APLP2: variants seen among roughly 807,000 people sequenced by gnomAD.
APLP2 encodes the protein CDEI box-binding protein.
Under a neutral mutation model 89.9 loss-of-function variants are expected in APLP2, and 53 were observed. The ratio of observed to expected loss-of-function variants is 0.59; its 90% CI spans 0.47 to 0.74. The LOEUF is 0.74. Among genes scored for constraint, APLP2 ranks in the 30% least tolerant of loss-of-function variants. APLP2 has a pLI of 0.00. For missense variants in APLP2, 973 were observed against 975.9 expected (o/e 1.00, Z 0.04); for synonymous variants, 372 against 348.6 (o/e 1.07, Z -0.75).
At chr11:130,078,142 A>G (rs374072726) in intron 1 of APLP2, among the ~76,000 whole-genome samples, 1 of 150,146 alleles carries the variant, frequency 6.7e-6, no homozygotes, top group East Asian at 1.9e-4. Flanking sequence ...TCGTCCCTAA[A>G]CACTGTAGTT....
chr11:130,110,473 C>T, intron 2 of APLP2, 65 bp from the exon 3 acceptor site: 1 of 1,586,008 alleles, frequency 6.3e-7, no homozygotes, highest in African/African-American at 1.3e-5. Context: ...ACACTCCATC[C>T]TTACTTGCAA....
intron 14 of APLP2, chr11:130,140,830 AC>A (rs1299091435): frequency 6.1e-6 from 1 of 164,624 alleles, no homozygotes; most frequent in Non-Finnish European, 1.3e-5. Flanking sequence ...TTAGGTTTAT[AC>A]CCCCTTTTAT....
rs975616993 is a variant in APLP2 at position 130,114,064 on chromosome 11, A to G, written c.403+3403A>G. On this transcript the variant is annotated intron_variant, in intron 3 of 16. Transcript: ENST00000338167. ...AAAAGCAAGGAAATTCTCCTACGTA[A>G]CCGTGGTATAATCATCAAAAATCAA... Among the ~76,000 whole-genome samples, 10 of 152,294 alleles carry G rather than the reference A, an allele frequency of 6.6e-5. No individual in the cohort carries two copies. The South Asian group carries it at 1.2e-3, about 19-fold the overall frequency.
At chr11:130,127,934 C>T in intron 9 of APLP2, 94 bp downstream of exon 9, 2 of 1,074,788 alleles carry the variant, frequency 1.9e-6, no homozygotes, top group Non-Finnish European at 2.8e-6. Flanking sequence ...TTGGACACCA[C>T]CTCCTTTTAG....
intron 1 of APLP2, among the ~76,000 whole-genome samples, chr11:130,091,627 TG>T (rs1307917695): frequency 1.7e-5 from 2 of 119,776 alleles, no homozygotes; most frequent in Admixed American, 7.8e-5. Context: ...ACGGGGTGGC[TG>T]GCCGGGCTGA....
intron 1 of APLP2, among the ~76,000 whole-genome samples, chr11:130,075,856 T>A (rs1169570573): frequency 6.6e-6 from 1 of 152,192 alleles, no homozygotes; most frequent in Non-Finnish European, 1.5e-5. Context: ...CTACCTGTCT[T>A]TCCCATTACC....
intron 1 of APLP2, among the ~76,000 whole-genome samples, chr11:130,096,411 A>G (rs865859509): frequency 6.6e-6 from 1 of 152,170 alleles, no homozygotes; most frequent in Non-Finnish European, 1.5e-5. Flanking sequence ...TGCCCACCTG[A>G]CAAGTAGTAC....
intron 1 of APLP2, chr11:130,100,443 T>C (rs1421367936): frequency 2.7e-5 from 4 of 150,734 alleles, no homozygotes; most frequent in Non-Finnish European, 5.9e-5. Context: ...AACACTGTTC[T>C]GCGTGGTTTT....
At position 130,114,914 on chromosome 11, in the gene APLP2, C is replaced by T. The variant is rs115259170; in HGVS notation, c.403+4253C>T. 6.1e-3 allele frequency among the ~76,000 whole-genome samples: 932 copies of T among 152,278 alleles called. 9 individuals are homozygous for T. Among genetic ancestry groups the T allele is most frequent in the African/African-American group, 0.021 (889 of 41,562 alleles). On this transcript the variant is annotated intron_variant, in intron 3 of 16. Transcript: ENST00000338167. ...GGTCTGTTGGCATAGCTCACTTTTC[C>T]ATTGCAGGTGTCCTTTTGCAAGTCT...
Position 130,123,683 on chromosome 11 carries a change from A to T in APLP2, c.994A>T (p.Lys332Ter). The T allele has an allele frequency of 6.2e-7, 1 of 1,614,252 alleles. No individual in the cohort carries two copies. The highest frequency in any genetic ancestry group is 1.1e-5 in the South Asian group (1 of 91,082). The change falls in exon 7 of 17, where the codon AAG (lysine) becomes TAG (stop). Residue 332 changes from lysine to a stop codon, truncating the protein, a stop_gained. Coordinates refer to ENST00000338167, the MANE Select transcript of APLP2 (RefSeq NM_001142276.2). LOFTEE classifies it high-confidence loss of function. This position sits in a 1 kb window ranked among gnomAD's most constrained non-coding sequence, Gnocchi z 4.0. Reference sequence around the variant, plus strand: ...GCCTCGTTGGTACTTCGACCTCTCCAAGGGAAAGTGCGTGCGCTTTATATA... The same window carrying T: ...GCCTCGTTGGTACTTCGACCTCTCCTAGGGAAAGTGCGTGCGCTTTATATA... ...VMPRWYFDLS[K>*]GKCVRFIYGG...
At chr11:130,071,547 C>T (rs1352587299) in intron 1 of APLP2, among the ~76,000 whole-genome samples, 1 of 152,236 alleles carries the variant, frequency 6.6e-6, no homozygotes, top group Non-Finnish European at 1.5e-5. Flanking sequence ...TGGGACTTCA[C>T]TAGTGGGTCG....
At chr11:130,106,441 G>A (rs1033216248) in intron 1 of APLP2, among the ~76,000 whole-genome samples, 1 of 152,118 alleles carries the variant, frequency 6.6e-6, no homozygotes, top group Non-Finnish European at 1.5e-5. Context: ...GTTCTTCACC[G>A]TGCAACTAGA....
At position 130,143,356 on chromosome 11, in the gene APLP2, A is replaced by G. The variant is rs543974514; in HGVS notation, c.2164A>G (p.Met722Val). The change falls in exon 17 of 17, where the codon ATG (methionine) becomes GTG (valine). Residue 722 changes from methionine to valine, a missense_variant. Met to Val is a conservative substitution (Grantham distance 21, BLOSUM62 1). Coordinates refer to ENST00000338167, the MANE Select transcript of APLP2 (RefSeq NM_001142276.2). ...GGTTTTGTTCTTCCAGGTTGATCCA[A>G]TGCTCACCCCAGAAGAGCGTCACCT... The part of the protein sequence containing the change: ...ISHGIVEVDP[M>V]LTPEERHLNK... 2.5e-5 allele frequency: 40 copies of G among 1,613,914 alleles called. No homozygotes were observed. Among genetic ancestry groups the G allele is most frequent in the South Asian group, 2.0e-4 (18 of 91,086 alleles).
chr11:130,137,353 G>A, intron 13 of APLP2: 7 of 1,427,332 alleles, frequency 4.9e-6, no homozygotes, highest in Middle Eastern at 3.5e-4. Context: ...TAGTGTGTCC[G>A]AAGCTTCATG....
rs138762568 is a variant in APLP2, at chr11:130,135,657, T to C, written c.1779T>C (p.Ser593=). 222 of 1,613,776 alleles carry C rather than the reference T, an allele frequency of 1.4e-4. No individual in the cohort carries two copies. In the African/African-American group the frequency reaches 2.7e-3, roughly 19 times the overall value. The change falls in exon 13 of 17, where the codon AGT becomes AGC. Residue 593 remains serine (S), a synonymous_variant. Transcript: ENST00000338167. ...PVDVRVSSEE[S]EEIPPFHPFH... ...ACGTCCGGGTGAGCTCTGAGGAGAG[T>C]GAGGAGATCCCACCGTTCCACCCCT...
At chr11:130,087,463 T>C (rs1013693192) in intron 1 of APLP2, among the ~76,000 whole-genome samples, 15 of 152,342 alleles carry the variant, frequency 9.8e-5, no homozygotes, top group African/African-American at 3.1e-4. Flanking sequence ...CTTCAGTTGG[T>C]GAAGAGAGCC....
In APLP2 at chr11:130,142,998, C is replaced by T. The variant is rs1298510703; in HGVS notation, c.2155-349C>T. Among the ~76,000 whole-genome samples the T allele has an allele frequency of 3.3e-5, 5 of 152,158 alleles. 1 individual carries two copies. Among genetic ancestry groups the T allele is most frequent in the South Asian group, 4.1e-4 (2 of 4,830 alleles). On this transcript the variant is annotated intron_variant, in intron 16 of 16. Transcript: ENST00000338167. The stretch of plus-strand genomic sequence containing the variant: ...AAGACCAGAGATCCCCTGGTCCCAC[C>T]GTCTGCTTGCTAGCCTACTGCTGAC...
chr11:130,077,275 G>A (rs750520484), intron 1 of APLP2, among the ~76,000 whole-genome samples: 2 of 152,182 alleles, frequency 1.3e-5, no homozygotes, highest in Non-Finnish European at 2.9e-5. Flanking sequence ...AGAAGAGAAT[G>A]GCTGGAATGG....
chr11:130,135,684 C>T lies in APLP2; in HGVS notation c.1806C>T (p.Phe602=), dbSNP rs771123042. 3 of 1,614,148 alleles carry T rather than the reference C, an allele frequency of 1.9e-6. No homozygotes were observed. Among genetic ancestry groups the T allele is most frequent in the Non-Finnish European group, 2.5e-6 (3 of 1,180,014 alleles). The change falls in exon 13 of 17, where the codon TTC becomes TTT. Residue 602 remains phenylalanine, a synonymous_variant. Transcript: ENST00000338167. ...AGGAGATCCCACCGTTCCACCCCTT[C>T]CACCCCTTCCCAGCCCTACCTGAGA... ...ESEEIPPFHP[F]HPFPALPENE... is the part of the protein sequence containing the mutation.
Sources: allele counts gnomAD v4.1 joint callset (sites outside exome capture counted in the v4.1 genomes callset), GRCh38; gene constraint gnomAD v4.1.1; non-coding constraint Gnocchi (gnomAD v3.1); transcripts MANE v1.5; gene names NCBI Gene and HGNC (gene_info 2026-07-23, HGNC 2026-07-21).